The following THRAP3 variants were observed in gnomAD, a reference collection of about 807,000 sequenced individuals.
THRAP3 encodes the protein thyroid hormone receptor associated protein 3, also known as thyroid hormone receptor-associated protein 3.
Under a neutral mutation model 101.0 loss-of-function variants are expected in THRAP3, and 16 were observed. The ratio of observed to expected loss-of-function variants is 0.16; its 90% CI spans 0.11 to 0.24. The LOEUF is 0.24. Ranked by LOEUF, THRAP3 falls within the 10% of genes least tolerant of loss-of-function variation. THRAP3 has a pLI of 1.00. For missense variants in THRAP3, 989 were observed against 1,202.7 expected, an observed-to-expected ratio of 0.82 and a Z score of 2.63; for synonymous variants, 407 against 422.6, an observed-to-expected ratio of 0.96 and a Z score of 0.45.
chr1:36,275,245 GC>G (rs1419176197), intron 2 of THRAP3, among the ~76,000 whole-genome samples: 7 of 145,478 alleles, frequency 4.8e-5, no homozygotes, highest in Non-Finnish European at 7.5e-5. Context: ...AGGTAAGATC[GC>G]ACCACTGCAC....
At chr1:36,283,381 C>T (rs1005941296) in intron 3 of THRAP3, among the ~76,000 whole-genome samples, 1 of 152,158 alleles carries the variant, frequency 6.6e-6, no homozygotes, top group Non-Finnish European at 1.5e-5. Context: ...CCTCCAGCGT[C>T]TTTCCTCTCT....
intron 1 of THRAP3, among the ~76,000 whole-genome samples, chr1:36,238,710 GT>G (rs1645119963): frequency 6.6e-6 from 1 of 152,022 alleles, no homozygotes; most frequent in Non-Finnish European, 1.5e-5. Flanking sequence ...CTTTTGTTTT[GT>G]TTCGTTTTTT....
chr1:36,289,912 AGT>A, intron 5 of THRAP3, 148 bp downstream of exon 5: 1 of 1,182,280 alleles, frequency 8.5e-7, no homozygotes, highest in Non-Finnish European at 1.1e-6. Context: ...TTCACTGGAG[AGT>A]ATGTGTCACA....
intron 1 of THRAP3, chr1:36,225,301 G>C (rs990080741): frequency 6.6e-6 from 1 of 152,220 alleles, no homozygotes; most frequent in Non-Finnish European, 1.5e-5. Context: ...TGAGAGTATA[G>C]AAGGACCTGG....
intron 1 of THRAP3, among the ~76,000 whole-genome samples, chr1:36,233,568 T>G (rs1191360716): frequency 6.7e-6 from 1 of 149,506 alleles, no homozygotes; most frequent in Non-Finnish European, 1.5e-5. Flanking sequence ...AGCCTGGGCA[T>G]GGGCAACATG....
intron 2 of THRAP3, among the ~76,000 whole-genome samples, chr1:36,274,927 G>A (rs569295595): frequency 9.4e-5 from 14 of 148,204 alleles, no homozygotes; most frequent in Non-Finnish European, 1.8e-4. Context: ...CACTGTGCCC[G>A]GCCAATTAAT....
the THRAP3 span, among the ~76,000 whole-genome samples, chr1:36,219,241 C>CT: frequency 6.6e-6 from 1 of 152,038 alleles, no homozygotes; most frequent in Admixed American, 6.6e-5. Context: ...ATTGAGGAAG[C>CT]TGCAGAAAAA....
In THRAP3 at chr1:36,282,587, G is replaced by A. The variant is rs1190775833; in HGVS notation, c.24G>A (p.Lys8=). The change falls in exon 3 of 12, where the codon AAG becomes AAA. Residue 8 remains lysine, a synonymous_variant. Coordinates refer to ENST00000354618, the MANE Select transcript of THRAP3 (RefSeq NM_005119.4). The part of the protein sequence containing the change: MSKTNKS[K]SGSRSSRSRS... ...AGATGTCAAAAACAAACAAATCCAA[G>A]TCTGGATCTCGCTCTTCTCGCTCAA... is the stretch of plus-strand genomic sequence containing the variant. The A allele has an allele frequency of 8.7e-6, 14 of 1,613,852 alleles. No homozygotes were observed. In the South Asian group the frequency reaches 1.5e-4, roughly 18 times the overall value.
chr1:36,260,699 G>A (rs1645434102), intron 2 of THRAP3, among the ~76,000 whole-genome samples: 1 of 151,916 alleles, frequency 6.6e-6, no homozygotes, highest in Non-Finnish European at 1.5e-5. Flanking sequence ...GTGGGCGCCT[G>A]TAGTCCCAGC....
intron 1 of THRAP3, among the ~76,000 whole-genome samples, chr1:36,236,799 A>C (rs1443324027): frequency 6.6e-6 from 1 of 152,222 alleles, no homozygotes; most frequent in African/African-American, 2.4e-5. Context: ...TGTTACCTCT[A>C]TGCTGAAAGT....
At chr1:36,273,838 T>C (rs1215014689) in intron 2 of THRAP3, among the ~76,000 whole-genome samples, 3 of 152,014 alleles carry the variant, frequency 2.0e-5, no homozygotes, top group Admixed American at 2.0e-4. Context: ...GTCAGGAGTT[T>C]GAGACCAGCC....
At chr1:36,301,152 A>G in intron 10 of THRAP3, 68 bp downstream of exon 10, 1 of 1,488,448 alleles carries the variant, frequency 6.7e-7, no homozygotes, top group South Asian at 1.2e-5. Context: ...ACGTTTCATC[A>G]GAATACCAGT....
rs1239789100 is a variant in THRAP3 at position 36,304,668 on chromosome 1, C to G, written c.*651C>G. ...GACCACCTTGTGTTCCCCTTTTCTGCGCAGCCATGTATCACGTGGAGTTGC... is the reference window on the plus strand; with the variant it reads ...GACCACCTTGTGTTCCCCTTTTCTGGGCAGCCATGTATCACGTGGAGTTGC... On this transcript the variant is annotated 3_prime_UTR_variant, in exon 12 of 12. Transcript: ENST00000354618. 4.6e-6 allele frequency: 1 copy of G among 218,536 alleles called. No homozygotes were observed. Among genetic ancestry groups the G allele is most frequent in the South Asian group, 1.9e-4 (1 of 5,398 alleles). 13.5% of individuals were successfully genotyped at this position (218,536 alleles called of 1,614,324 possible).
chr1:36,235,598 C>A (rs1444981201), intron 1 of THRAP3, among the ~76,000 whole-genome samples: 1 of 151,792 alleles, frequency 6.6e-6, no homozygotes, highest in African/African-American at 2.4e-5. Context: ...TCCACCGTGA[C>A]AAAAAAATAT....
At chr1:36,228,994 T>C (rs1412817832) in intron 1 of THRAP3, among the ~76,000 whole-genome samples, 1 of 152,184 alleles carries the variant, frequency 6.6e-6, no homozygotes, top group Non-Finnish European at 1.5e-5. Flanking sequence ...AGCCAGACCC[T>C]GTCTCTAAGG....
intron 1 of THRAP3, among the ~76,000 whole-genome samples, chr1:36,244,318 G>A (rs552048181): frequency 6.6e-4 from 100 of 152,078 alleles, no homozygotes; most frequent in Admixed American, 1.8e-3. Context: ...AAGTTTGGTT[G>A]AAAATAAGTT....
chr1:36,255,336 A>G (rs1025151058), intron 1 of THRAP3, among the ~76,000 whole-genome samples: 5 of 152,186 alleles, frequency 3.3e-5, no homozygotes, highest in African/African-American at 9.7e-5. Flanking sequence ...TCTCAATAAA[A>G]GATTGCCAGG....
chr1:36,274,092 A>AGT (rs1382466395), intron 2 of THRAP3, among the ~76,000 whole-genome samples: 17 of 144,104 alleles, frequency 1.2e-4, no homozygotes, highest in African/African-American at 4.6e-4. Context: ...ACACACACAC[A>AGT]CACACACACA....
At chr1:36,231,790 C>T (rs1373644936) in intron 1 of THRAP3, among the ~76,000 whole-genome samples, 1 of 152,158 alleles carries the variant, frequency 6.6e-6, no homozygotes, top group African/African-American at 2.4e-5. Flanking sequence ...CCCAGTTTAT[C>T]TAAAGACTAT....
Sources: allele counts gnomAD v4.1 joint callset (sites outside exome capture counted in the v4.1 genomes callset), GRCh38; gene constraint gnomAD v4.1.1; transcripts MANE v1.5; gene names NCBI Gene and HGNC (gene_info 2026-07-23, HGNC 2026-07-21).